CACNA2D3: variants seen among roughly 807,000 people sequenced by gnomAD.
CACNA2D3 encodes the protein voltage-dependent calcium channel subunit alpha-2/delta-3.
In CACNA2D3, 60 loss-of-function variants were observed where a neutral mutation model predicts 160.6. The observed-to-expected ratio is 0.37, with a 90% CI of 0.30 to 0.46. CACNA2D3 has a LOEUF of 0.46. Among genes scored for constraint, CACNA2D3 ranks in the 20% least tolerant of loss-of-function variants. The probability of loss-of-function intolerance (pLI) is 1.00; values close to 1 mark genes in which losing one functional copy is unlikely to be tolerated. For missense variants in CACNA2D3, 1,205 were observed against 1,365.0 expected (o/e 0.88, Z 1.85); for synonymous variants, 558 against 492.9 (o/e 1.13, Z -1.75).
chr3:54,278,916 T>C (rs1189090550), intron 2 of CACNA2D3, among the ~76,000 whole-genome samples: 2 of 152,154 alleles, frequency 1.3e-5, no homozygotes, highest in Non-Finnish European at 2.9e-5. Flanking sequence ...TGAACCACCA[T>C]GTCACGTGTA....
chr3:54,925,141 G>A, intron 27 of CACNA2D3: 1 of 1,614,076 alleles, frequency 6.2e-7, no homozygotes, highest in Non-Finnish European at 8.5e-7. Flanking sequence ...GTAGATGACT[G>A]ACAGTAACAC....
chr3:54,774,436 C>G (rs550502164), intron 13 of CACNA2D3, among the ~76,000 whole-genome samples: 5 of 151,854 alleles, frequency 3.3e-5, no homozygotes, highest in African/African-American at 1.2e-4. Flanking sequence ...TTTGAGCAAC[C>G]AGATCTCGTG....
At chr3:55,011,135 C>G (rs1464464837) in intron 34 of CACNA2D3, among the ~76,000 whole-genome samples, 1 of 152,244 alleles carries the variant, frequency 6.6e-6, no homozygotes, top group Non-Finnish European at 1.5e-5. Flanking sequence ...CTGCTGAGTT[C>G]TGCCCCTGCT....
At chr3:54,208,178 T>C (rs1701305763) in intron 2 of CACNA2D3, among the ~76,000 whole-genome samples, 1 of 152,172 alleles carries the variant, frequency 6.6e-6, no homozygotes, top group Admixed American at 6.5e-5. Flanking sequence ...CGATCTCGGC[T>C]CACTGCAACC....
chr3:54,355,734 A>G (rs982723419), intron 3 of CACNA2D3, among the ~76,000 whole-genome samples: 5 of 152,186 alleles, frequency 3.3e-5, no homozygotes, highest in African/African-American at 7.2e-5. Flanking sequence ...AAGGTAGGAC[A>G]TGGAGGCCTT....
At chr3:54,430,661 C>T (rs1013778571) in intron 4 of CACNA2D3, among the ~76,000 whole-genome samples, 2 of 152,296 alleles carry the variant, frequency 1.3e-5, no homozygotes, top group Non-Finnish European at 2.9e-5. Context: ...CCACTTGTAT[C>T]CATGAGTCTC....
chr3:54,920,541 G>T (rs891627871), intron 27 of CACNA2D3, among the ~76,000 whole-genome samples: 1 of 152,174 alleles, frequency 6.6e-6, no homozygotes, highest in Non-Finnish European at 1.5e-5. Context: ...GAGGCCAGAG[G>T]TTCAGAGCAG....
Position 54,631,203 on chromosome 3 carries a change from A to AACACACACACACAC in CACNA2D3, c.1053+3347_1053+3360dup, listed in dbSNP as rs67944483. Reference sequence around the variant, plus strand: ...TGGGTGACAGAGCGAGACTCCATCAAACACACACACACACACACACACACA... The same window carrying AACACACACACACAC: ...TGGGTGACAGAGCGAGACTCCATCAAACACACACACACACACACACACACACACACACACACACA... On this transcript the variant is annotated intron_variant, in intron 10 of 37. Transcript: ENST00000474759. 3.4e-3 allele frequency among the ~76,000 whole-genome samples: 490 copies of AACACACACACACAC among 145,854 alleles called. 3 individuals carry two copies. Among genetic ancestry groups the AACACACACACACAC allele is most frequent in the African/African-American group, 9.0e-3 (349 of 38,788 alleles).
chr3:54,451,044 A>G (rs1302610447), intron 4 of CACNA2D3, among the ~76,000 whole-genome samples: 1 of 152,016 alleles, frequency 6.6e-6, no homozygotes, highest in Non-Finnish European at 1.5e-5. Flanking sequence ...AGCAGAACAA[A>G]CTCTACTAGG....
At chr3:55,035,910 A>G (rs924307100) in intron 35 of CACNA2D3, among the ~76,000 whole-genome samples, 1 of 152,192 alleles carries the variant, frequency 6.6e-6, no homozygotes, top group Admixed American at 6.5e-5. Context: ...GATGGATATT[A>G]AAATTTGGTA....
intron 2 of CACNA2D3, among the ~76,000 whole-genome samples, chr3:54,295,615 G>T (rs1291515032): frequency 2.0e-5 from 3 of 152,174 alleles, no homozygotes; most frequent in Admixed American, 2.0e-4. Flanking sequence ...TTTCTGATTA[G>T]CCTTTCACTG....
chr3:54,627,722 C>A, intron 9 of CACNA2D3, 65 bp from the exon 10 acceptor site: 2 of 948,218 alleles, frequency 2.1e-6, no homozygotes, highest in South Asian at 1.4e-5. Context: ...ACATCTAATT[C>A]ATTCAAGGTT....
At chr3:54,804,040 G>C (rs1167727045) in intron 13 of CACNA2D3, among the ~76,000 whole-genome samples, 2 of 151,780 alleles carry the variant, frequency 1.3e-5, no homozygotes, top group African/African-American at 2.4e-5. Flanking sequence ...TGCCCTAAAA[G>C]AGCTCCTGAA....
intron 2 of CACNA2D3, among the ~76,000 whole-genome samples, chr3:54,259,318 A>T (rs11707360): frequency 3.3e-5 from 5 of 152,236 alleles, no homozygotes; most frequent in Admixed American, 1.3e-4. Context: ...AAGGAAGTCA[A>T]GCAGAGCTGA....
At chr3:54,786,926 C>T (rs1193232038) in intron 13 of CACNA2D3, among the ~76,000 whole-genome samples, 3 of 152,178 alleles carry the variant, frequency 2.0e-5, no homozygotes, top group South Asian at 2.1e-4. Context: ...ATGACTTCAA[C>T]TTGCTATCAC....
intron 9 of CACNA2D3, among the ~76,000 whole-genome samples, chr3:54,617,951 G>T (rs914161353): frequency 7.0e-6 from 1 of 142,574 alleles, no homozygotes; most frequent in African/African-American, 2.5e-5. Context: ...TAGAGTTTGG[G>T]TTTTTTTTTT....
chr3:54,976,082 C>CACACAA (rs1477156737), intron 29 of CACNA2D3, among the ~76,000 whole-genome samples: 97 of 128,540 alleles, frequency 7.5e-4, no homozygotes, highest in African/African-American at 2.4e-3. Context: ...CACACACACA[C>CACACAA]ACACACACAC....
At chr3:54,673,934 CAT>C in intron 11 of CACNA2D3, among the ~76,000 whole-genome samples, 1 of 152,338 alleles carries the variant, frequency 6.6e-6, no homozygotes, top group East Asian at 1.9e-4. Flanking sequence ...AAGAAAGCCT[CAT>C]GTGTCTCTAG....
At position 54,397,570 on chromosome 3, in the gene CACNA2D3, A is replaced by C. The variant is rs147173141; in HGVS notation, c.381+10796A>C. Among the ~76,000 whole-genome samples, 724 of 142,244 alleles carry C rather than the reference A, an allele frequency of 5.1e-3. 17 individuals are homozygous for C. In the East Asian group the frequency reaches 0.07, roughly 14 times the overall value. 93.3% of individuals were successfully genotyped at this position (142,244 alleles called of 152,430 possible). A position where few individuals can be genotyped will look rare whatever the true frequency, so the allele number is the denominator to read the frequency against. On this transcript the variant is annotated intron_variant, in intron 4 of 37. Coordinates refer to ENST00000474759, the MANE Select transcript of CACNA2D3 (RefSeq NM_018398.3). ...TTTTTATTTCTGTCTTCATTTCGTT[A>C]TGTACCCAGTAGTCATTCAGGAGCA...
Sources: gnomAD v4.1 joint callset for allele counts (sites outside exome capture counted in the v4.1 genomes callset) on GRCh38, gnomAD v4.1.1 for gene constraint, MANE v1.5 for transcripts, NCBI Gene and HGNC (gene_info 2026-07-23, HGNC 2026-07-21) for gene names.